The following ZNF277 variants were observed in gnomAD, a reference collection of about 807,000 sequenced individuals.
The protein encoded by ZNF277 is zinc finger protein 277.
In ZNF277, 55 loss-of-function variants were observed where a neutral mutation model predicts 60.7. The ratio of observed to expected loss-of-function variants is 0.91; its 90% CI spans 0.73 to 1.13. ZNF277 has a LOEUF of 1.13. Among genes scored for constraint, ZNF277 ranks in the 50% most tolerant of loss-of-function variants. The probability of loss-of-function intolerance (pLI) is 0.00; values close to 1 mark genes in which losing one functional copy is unlikely to be tolerated. For synonymous variants in ZNF277, 178 were observed against 179.3 expected (o/e 0.99, Z 0.06); for missense variants, 510 against 523.0 (o/e 0.98, Z 0.24).
rs755003133 is a variant in ZNF277, at chr7:112,206,816, G to A, written c.91+9G>A. 1.9e-6 allele frequency: 3 copies of A among 1,611,986 alleles called. No individual in the cohort carries two copies. The highest frequency in any genetic ancestry group is 2.2e-5 in the East Asian group (1 of 44,714). On this transcript the variant is annotated intron_variant, in intron 1 of 11. Coordinates refer to ENST00000361822, the MANE Select transcript of ZNF277 (RefSeq NM_021994.3). ...GGGTGTAGGTTATGGGGGTGAGTACGGTGCCCCGGAGGCGCGGCTGATGTG... is the reference window on the plus strand; with the variant it reads ...GGGTGTAGGTTATGGGGGTGAGTACAGTGCCCCGGAGGCGCGGCTGATGTG...
intron 4 of ZNF277, among the ~76,000 whole-genome samples, chr7:112,314,518 C>T (rs551393528): frequency 2.0e-5 from 3 of 152,162 alleles, no homozygotes; most frequent in East Asian, 1.9e-4. Context: ...AGAGGCCAGG[C>T]GCAGAGGCTC....
At chr7:112,250,191 T>C (rs1471849783) in intron 1 of ZNF277, among the ~76,000 whole-genome samples, 2 of 151,942 alleles carry the variant, frequency 1.3e-5, no homozygotes, top group African/African-American at 2.4e-5. Flanking sequence ...TGGTCGAGAC[T>C]GCAGAGATGA....
intron 1 of ZNF277, among the ~76,000 whole-genome samples, chr7:112,254,860 A>G (rs2117014561): frequency 6.6e-6 from 1 of 152,106 alleles, no homozygotes; most frequent in East Asian, 1.9e-4. Context: ...AGTCCCAGCT[A>G]CTCTGAAGGC....
chr7:112,272,207 A>G (rs898479841), intron 1 of ZNF277, among the ~76,000 whole-genome samples: 2 of 152,128 alleles, frequency 1.3e-5, no homozygotes, highest in African/African-American at 4.8e-5. Flanking sequence ...TTCCCGGCTG[A>G]TTTCACTTAA....
Position 112,343,550 on chromosome 7 carries a change from A to C in ZNF277, c.*821A>C, listed in dbSNP as rs999167235. 6.6e-6 allele frequency among the ~76,000 whole-genome samples: 1 copy of C among 152,178 alleles called. No homozygotes were observed. The highest frequency in any genetic ancestry group is 1.5e-5 in the Non-Finnish European group (1 of 68,042). On this transcript the variant is annotated 3_prime_UTR_variant, in exon 12 of 12. Transcript: ENST00000361822. ...GATGAATATTATATGCCTCCTGATA[A>C]GATGTACTGAGGAGGACAGAATATC...
At chr7:112,239,085 A>G (rs1211079572) in intron 1 of ZNF277, among the ~76,000 whole-genome samples, 1 of 152,182 alleles carries the variant, frequency 6.6e-6, no homozygotes, top group African/African-American at 2.4e-5. Flanking sequence ...GATGAGACCC[A>G]GTACTGTGCT....
At chr7:112,310,302 G>T (rs898276183) in intron 4 of ZNF277, among the ~76,000 whole-genome samples, 1 of 151,904 alleles carries the variant, frequency 6.6e-6, no homozygotes, top group Admixed American at 6.6e-5. Flanking sequence ...AGACCCTCCA[G>T]TCACTCAGGA....
chr7:112,220,704 G>A (rs889942975), intron 1 of ZNF277, among the ~76,000 whole-genome samples: 7 of 152,168 alleles, frequency 4.6e-5, no homozygotes, highest in Non-Finnish European at 7.4e-5. Flanking sequence ...AAGCCTAGCT[G>A]GGAAGGTGAC....
chr7:112,278,574 T>C (rs1352980139), intron 1 of ZNF277, among the ~76,000 whole-genome samples: 2 of 152,180 alleles, frequency 1.3e-5, no homozygotes, highest in African/African-American at 2.4e-5. Flanking sequence ...AGAACAACTC[T>C]GTCGGGTGGA....
At chr7:112,266,703 C>T (rs748670239) in intron 1 of ZNF277, among the ~76,000 whole-genome samples, 7 of 152,108 alleles carry the variant, frequency 4.6e-5, no homozygotes, top group Non-Finnish European at 8.8e-5. Flanking sequence ...GAAAATCCTA[C>T]GGAAACCTTT....
chr7:112,310,323 G>A (rs1792692530), intron 4 of ZNF277, among the ~76,000 whole-genome samples: 1 of 151,864 alleles, frequency 6.6e-6, no homozygotes, highest in Non-Finnish European at 1.5e-5. Context: ...AATTCTCAGG[G>A]TTAATAAGTT....
chr7:112,234,676 A>C (rs955549155), intron 1 of ZNF277, among the ~76,000 whole-genome samples: 13 of 152,158 alleles, frequency 8.5e-5, no homozygotes, highest in Admixed American at 7.9e-4. Context: ...ATATTACCAA[A>C]GTTTTTGATG....
chr7:112,287,423 T>C, intron 2 of ZNF277: 1 of 171,084 alleles, frequency 5.8e-6, no homozygotes, highest in Non-Finnish European at 1.2e-5. Context: ...TGACATAATC[T>C]ATATATAAAA....
chr7:112,224,100 A>G (rs1360674895), intron 1 of ZNF277, among the ~76,000 whole-genome samples: 1 of 152,212 alleles, frequency 6.6e-6, no homozygotes, highest in Non-Finnish European at 1.5e-5. Flanking sequence ...ACAGAGAAGT[A>G]GAGAGATCTG....
At chr7:112,319,425 C>T (rs1792924570) in intron 5 of ZNF277, among the ~76,000 whole-genome samples, 1 of 151,876 alleles carries the variant, frequency 6.6e-6, no homozygotes, top group African/African-American at 2.4e-5. Flanking sequence ...TACAAATATA[C>T]ATTCACTTAA....
intron 7 of ZNF277, among the ~76,000 whole-genome samples, chr7:112,331,690 G>A (rs539743807): frequency 2.6e-5 from 4 of 152,154 alleles, no homozygotes; most frequent in South Asian, 2.1e-4. Context: ...AAAGGCAAAC[G>A]TACCCTTTGA....
At chr7:112,218,265 TCA>T (rs1821938639) in intron 1 of ZNF277, among the ~76,000 whole-genome samples, 1 of 152,214 alleles carries the variant, frequency 6.6e-6, no homozygotes, top group South Asian at 2.1e-4. Context: ...GAAAGTTAAG[TCA>T]GGAGTCCTTG....
intron 2 of ZNF277, among the ~76,000 whole-genome samples, chr7:112,292,547 A>G (rs1303412985): frequency 6.6e-6 from 1 of 152,090 alleles, no homozygotes; most frequent in Non-Finnish European, 1.5e-5. Flanking sequence ...TCAACTCTCT[A>G]TTACAACTTT....
chr7:112,284,055 G>A (rs907623050), intron 1 of ZNF277, among the ~76,000 whole-genome samples: 1 of 152,194 alleles, frequency 6.6e-6, no homozygotes, highest in African/African-American at 2.4e-5. Flanking sequence ...TTAGGCTACT[G>A]ACTAACATTG....
Sources: gnomAD v4.1 joint callset for allele counts (sites outside exome capture counted in the v4.1 genomes callset) on GRCh38, gnomAD v4.1.1 for gene constraint, MANE v1.5 for transcripts, NCBI Gene and HGNC (gene_info 2026-07-23, HGNC 2026-07-21) for gene names.